Variants in CNTN4 observed in about 807,000 individuals in gnomAD.
The protein encoded by CNTN4 is contactin 4.
CNTN4 carries 77 observed loss-of-function variants against 122.5 expected under a neutral mutation model. The ratio of observed to expected loss-of-function variants is 0.63; its 90% CI spans 0.52 to 0.76. CNTN4 has a LOEUF of 0.76. Ranked by LOEUF, CNTN4 falls within the 30% of genes least tolerant of loss-of-function variation. The pLI is 0.00. For missense variants in CNTN4, 1,256 were observed against 1,259.1 expected (o/e 1.00, Z 0.04); for synonymous variants, 512 against 447.0 (o/e 1.15, Z -1.83).
intron 13 of CNTN4, among the ~76,000 whole-genome samples, chr3:2,934,486 G>A (rs536594341): frequency 6.6e-6 from 1 of 152,390 alleles, no homozygotes; most frequent in African/African-American, 2.4e-5. Flanking sequence ...CACACAAGGT[G>A]TGAAACCCAG....
intron 3 of CNTN4, among the ~76,000 whole-genome samples, chr3:2,459,187 A>C (rs1235983344): frequency 6.6e-6 from 1 of 152,142 alleles, no homozygotes; most frequent in Non-Finnish European, 1.5e-5. Flanking sequence ...TGATGTTAAC[A>C]CTTTCCTAGG....
chr3:2,902,576 G>A (rs1295787748), intron 11 of CNTN4, among the ~76,000 whole-genome samples: 1 of 152,126 alleles, frequency 6.6e-6, no homozygotes, highest in Non-Finnish European at 1.5e-5. Flanking sequence ...AGCATTTTAA[G>A]TTTCAAGTTA....
chr3:2,266,769 C>A (rs1025832106), intron 2 of CNTN4, among the ~76,000 whole-genome samples: 1 of 152,118 alleles, frequency 6.6e-6, no homozygotes, highest in Non-Finnish European at 1.5e-5. Flanking sequence ...TCAGAAGGAT[C>A]TCTGAAGAGT....
chr3:3,042,190 G>C (rs1052929670), intron 20 of CNTN4, 120 bp from the exon 21 acceptor site: 1 of 776,660 alleles, frequency 1.3e-6, no homozygotes, highest in Non-Finnish European at 2.2e-6. Flanking sequence ...TGAGGGTTTG[G>C]CTTACAATCA....
intron 7 of CNTN4, among the ~76,000 whole-genome samples, chr3:2,847,230 C>A (rs932754070): frequency 6.6e-6 from 1 of 151,666 alleles, no homozygotes; most frequent in Non-Finnish European, 1.5e-5. Context: ...TGGCACCCAT[C>A]CCCTTAGAGG....
At chr3:2,981,464 C>A (rs961609421) in intron 13 of CNTN4, among the ~76,000 whole-genome samples, 2 of 151,902 alleles carry the variant, frequency 1.3e-5, no homozygotes, top group South Asian at 2.1e-4. Flanking sequence ...AAAAGGAAAA[C>A]CTTACCGAGG....
At chr3:2,957,679 G>A (rs1239658067) in intron 13 of CNTN4, among the ~76,000 whole-genome samples, 1 of 152,072 alleles carries the variant, frequency 6.6e-6, no homozygotes, top group African/African-American at 2.4e-5. Flanking sequence ...CCACTAATAA[G>A]AACATGTGGT....
intron 8 of CNTN4, among the ~76,000 whole-genome samples, chr3:2,872,077 T>A (rs1212297942): frequency 6.6e-6 from 1 of 152,020 alleles, no homozygotes; most frequent in East Asian, 1.9e-4. Flanking sequence ...TTAGCACAGC[T>A]GTTGGTTATA....
chr3:2,163,591 C>T (rs1293646632), intron 2 of CNTN4, among the ~76,000 whole-genome samples: 15 of 151,822 alleles, frequency 9.9e-5, no homozygotes, highest in Admixed American at 8.5e-4. Flanking sequence ...AAAATATTTG[C>T]AAACTATGCA....
At chr3:2,123,895 G>A (rs928311536) in intron 2 of CNTN4, among the ~76,000 whole-genome samples, 17 of 152,314 alleles carry the variant, frequency 1.1e-4, no homozygotes, top group East Asian at 3.9e-4. Flanking sequence ...AAGCAGTGAA[G>A]ATGGTGCATG....
chr3:2,991,224 A>C (rs1220287608), intron 14 of CNTN4, among the ~76,000 whole-genome samples: 1 of 152,166 alleles, frequency 6.6e-6, no homozygotes, highest in Admixed American at 6.5e-5. Context: ...AATAGGTGAG[A>C]GAACGAGGAG....
At chr3:2,919,239 C>A (rs999228094) in intron 12 of CNTN4, among the ~76,000 whole-genome samples, 2 of 151,106 alleles carry the variant, frequency 1.3e-5, no homozygotes, top group Non-Finnish European at 2.9e-5. Flanking sequence ...GTAGTCCCAG[C>A]TACTCAGGAG....
chr3:2,367,150 A>G (rs2045422452), intron 3 of CNTN4, among the ~76,000 whole-genome samples: 1 of 152,160 alleles, frequency 6.6e-6, no homozygotes, highest in Non-Finnish European at 1.5e-5. Context: ...TTCTAGCATA[A>G]ACAACAAAAT....
At chr3:2,700,991 C>T (rs1174444201) in intron 4 of CNTN4, among the ~76,000 whole-genome samples, 1 of 152,158 alleles carries the variant, frequency 6.6e-6, no homozygotes, top group African/African-American at 2.4e-5. Flanking sequence ...GATGTGGGAT[C>T]AGGTGAAATT....
chr3:2,122,493 T>G (rs796818339), intron 2 of CNTN4, among the ~76,000 whole-genome samples: 23 of 152,336 alleles, frequency 1.5e-4, no homozygotes, highest in African/African-American at 5.5e-4. Context: ...TTTATTCCTT[T>G]GTACAAAGGC....
chr3:2,391,527 G>A (rs1201442976), intron 3 of CNTN4, among the ~76,000 whole-genome samples: 1 of 152,168 alleles, frequency 6.6e-6, no homozygotes, highest in African/African-American at 2.4e-5. Flanking sequence ...TACCAGTCTA[G>A]TTTATTAACT....
At chr3:2,954,667 A>G (rs2094780418) in intron 13 of CNTN4, among the ~76,000 whole-genome samples, 1 of 152,096 alleles carries the variant, frequency 6.6e-6, no homozygotes, top group South Asian at 2.1e-4. Context: ...TGGAATGGAT[A>G]GCAAAGACCT....
At chr3:2,431,642 C>T (rs1462735549) in intron 3 of CNTN4, among the ~76,000 whole-genome samples, 3 of 152,194 alleles carry the variant, frequency 2.0e-5, no homozygotes, top group Non-Finnish European at 4.4e-5. Context: ...AGTCACTATG[C>T]TTGCCGCTGA....
chr3:2,409,249 C>CTTTT (rs372224744), intron 3 of CNTN4, among the ~76,000 whole-genome samples: 2 of 132,638 alleles, frequency 1.5e-5, no homozygotes, highest in African/African-American at 2.8e-5. Flanking sequence ...CTTTTCTTTT[C>CTTTT]TTTTTTTTTT....
Sources: gnomAD v4.1 joint callset for allele counts (sites outside exome capture counted in the v4.1 genomes callset) on GRCh38, gnomAD v4.1.1 for gene constraint, MANE v1.5 for transcripts, NCBI Gene and HGNC (gene_info 2026-07-23, HGNC 2026-07-21) for gene names.